Variants in FAM83B observed in about 807,000 individuals in gnomAD.
The protein encoded by FAM83B is protein FAM83B.
In FAM83B, 26 loss-of-function variants were observed where a neutral mutation model predicts 38.8. The ratio of observed to expected loss-of-function variants is 0.67; its 90% CI spans 0.49 to 0.93. The LOEUF is 0.93. FAM83B is among the 40% of genes least tolerant of loss of function. The pLI is 0.00. For missense variants in FAM83B, 1,237 were observed against 1,197.3 expected (o/e 1.03, Z -0.49); for synonymous variants, 419 against 423.1 (o/e 0.99, Z 0.12).
In FAM83B at chr6:54,921,880, A is replaced by C. The variant is rs1019871001; in HGVS notation, c.445-4491A>C. 5.9e-4 allele frequency among the ~76,000 whole-genome samples: 89 copies of C among 151,948 alleles called. 6 individuals carry two copies. ...ATTATTATTCTTTCCCAGGAATGTA[A>C]CCCATCATTTAAAAAAAAAAGTTAC... On this transcript the variant is annotated intron_variant, in intron 2 of 4. Transcript: ENST00000306858.
chr6:54,930,797 T>C (rs1773403408), intron 4 of FAM83B, among the ~76,000 whole-genome samples: 1 of 152,130 alleles, frequency 6.6e-6, no homozygotes, highest in Non-Finnish European at 1.5e-5. Context: ...TGAGATCTTT[T>C]AGCTTTAAAA....
intron 4 of FAM83B, among the ~76,000 whole-genome samples, chr6:54,934,052 C>T (rs972986190): frequency 9.2e-5 from 14 of 152,048 alleles, no homozygotes; most frequent in African/African-American, 2.9e-4. Context: ...TTCAATTGGT[C>T]GCTAGCATTT....
At position 54,943,792 on chromosome 6, in the gene FAM83B, A is replaced by G. The variant is rs984742346; in HGVS notation, c.*1785A>G. 3.9e-5 allele frequency: 6 copies of G among 152,204 alleles called. No individual in the cohort carries two copies. The highest frequency in any genetic ancestry group is 7.3e-5 in the Non-Finnish European group (5 of 68,046). The allele number at this position is 152,204 out of a possible 1,614,324, so 9.4% of individuals were successfully genotyped here. Reference sequence around the variant, plus strand: ...GGCAGTTCTGAAATGGAAAGCCCTGAAATTTAGTGCAATGTAACTTTAAAA... The same window carrying G: ...GGCAGTTCTGAAATGGAAAGCCCTGGAATTTAGTGCAATGTAACTTTAAAA... On this transcript the variant is annotated 3_prime_UTR_variant, in exon 5 of 5. Transcript: ENST00000306858.
chr6:54,927,383 G>GT (rs147505952), intron 3 of FAM83B, 125 bp from the exon 4 acceptor site: 10,844 of 594,248 alleles, frequency 0.018, 7 homozygotes, highest in East Asian at 0.023. Context: ...ATATTTGGGA[G>GT]TTTTTTTTTT....
rs766278321 is a variant in FAM83B at position 54,870,560 on chromosome 6, A to G, written c.314A>G (p.Asp105Gly). 1.2e-6 allele frequency: 2 copies of G among 1,614,100 alleles called. No individual in the cohort carries two copies. Among genetic ancestry groups the G allele is most frequent in the East Asian group, 2.2e-5 (1 of 44,878 alleles). ...VESDVEAPNL[D>G]LGWPYVMPGL... Reference sequence around the variant, plus strand: ...TCTGATGTGGAAGCTCCAAATCTTGACTTAGGCTGGCCATATGTGATGCCC... The same window carrying G: ...TCTGATGTGGAAGCTCCAAATCTTGGCTTAGGCTGGCCATATGTGATGCCC... The change falls in exon 2 of 5, where the codon GAC (aspartate) becomes GGC (glycine). Residue 105 changes from aspartate (D) to glycine (G), a missense_variant. Physicochemically the swap from Asp to Gly is moderately conservative, Grantham distance 94. Transcript: ENST00000306858.
At chr6:54,931,093 A>G (rs774069580) in intron 4 of FAM83B, among the ~76,000 whole-genome samples, 6 of 152,106 alleles carry the variant, frequency 3.9e-5, no homozygotes, top group African/African-American at 9.7e-5. Flanking sequence ...TAATTTCCAC[A>G]TATCTGTGAA....
At chr6:54,875,738 GGT>G (rs1458970603) in intron 2 of FAM83B, among the ~76,000 whole-genome samples, 1 of 116,578 alleles carries the variant, frequency 8.6e-6, no homozygotes, top group Admixed American at 8.2e-5. Flanking sequence ...GAAGAGGGAA[GGT>G]GGAAGAAAGG....
chr6:54,869,726 A>T (rs1476028328), intron 1 of FAM83B, among the ~76,000 whole-genome samples: 3 of 152,138 alleles, frequency 2.0e-5, no homozygotes, highest in African/African-American at 7.2e-5. Flanking sequence ...TATAGGCATT[A>T]CTCATTTTGG....
chr6:54,915,001 A>G (rs1581919011), intron 2 of FAM83B, among the ~76,000 whole-genome samples: 1 of 152,118 alleles, frequency 6.6e-6, no homozygotes, highest in African/African-American at 2.4e-5. Context: ...TGCTTATACC[A>G]TATCATTGTG....
intron 2 of FAM83B, 38 bp downstream of exon 2, chr6:54,870,728 CAT>C (rs762207531): frequency 1.3e-5 from 20 of 1,524,718 alleles, no homozygotes; most frequent in African/African-American, 7.0e-5. Flanking sequence ...AAATTTGAAA[CAT>C]GTAGAAAAGT....
rs193264157 is a variant in FAM83B, at chr6:54,862,872, C to G, written c.-60-7315C>G. On this transcript the variant is annotated intron_variant, in intron 1 of 4. Coordinates refer to ENST00000306858, the MANE Select transcript of FAM83B (RefSeq NM_001010872.3). Reference sequence around the variant, plus strand: ...GCACTCCAGGCTGGGTGCAAAAACCCCCCCCCAAAAAAACCACGAAAAAAA... The same window carrying G: ...GCACTCCAGGCTGGGTGCAAAAACCGCCCCCCAAAAAAACCACGAAAAAAA... 2.8e-4 allele frequency among the ~76,000 whole-genome samples: 43 copies of G among 151,654 alleles called. No individual in the cohort carries two copies. The East Asian group carries it at 5.6e-3, about 20-fold the overall frequency.
intron 2 of FAM83B, among the ~76,000 whole-genome samples, chr6:54,875,529 C>T (rs2127576557): frequency 6.6e-6 from 1 of 152,212 alleles, no homozygotes; most frequent in Non-Finnish European, 1.5e-5. Context: ...ACATTACTAT[C>T]CTGGGACATT....
At chr6:54,888,445 A>G (rs890764381) in intron 2 of FAM83B, among the ~76,000 whole-genome samples, 4 of 151,906 alleles carry the variant, frequency 2.6e-5, no homozygotes, top group Admixed American at 6.6e-5. Flanking sequence ...GTTGGCAATG[A>G]ATCCTCTTGG....
intron 2 of FAM83B, among the ~76,000 whole-genome samples, chr6:54,885,320 T>G (rs1772248988): frequency 6.6e-6 from 1 of 152,182 alleles, no homozygotes; most frequent in Admixed American, 6.5e-5. Flanking sequence ...TTTTGTTGTT[T>G]TCTGTGTATA....
At chr6:54,870,908 T>G (rs766656012) in intron 2 of FAM83B, among the ~76,000 whole-genome samples, 5 of 152,128 alleles carry the variant, frequency 3.3e-5, no homozygotes, top group Non-Finnish European at 7.3e-5. Context: ...AGAAAAGAGA[T>G]TTCCTTTTCT....
chr6:54,931,948 T>A (rs1773428199), intron 4 of FAM83B, among the ~76,000 whole-genome samples: 1 of 151,940 alleles, frequency 6.6e-6, no homozygotes, highest in Non-Finnish European at 1.5e-5. Context: ...TCATCTCATT[T>A]CCTTTTGTGT....
At position 54,940,323 on chromosome 6, in the gene FAM83B, G is replaced by A; in HGVS notation, c.1352G>A (p.Arg451Lys). The A allele has an allele frequency of 6.2e-7, 1 of 1,614,032 alleles. No individual in the cohort carries two copies. The highest frequency in any genetic ancestry group is 8.5e-7 in the Non-Finnish European group (1 of 1,179,992). Residue 451 changes from arginine to lysine, a missense_variant, in exon 5 of 5, where the codon AGA (arginine) becomes AAA (lysine). Physicochemically the swap from Arg to Lys is conservative, Grantham distance 26. Transcript: ENST00000306858. ...AGTTTTGCCAATCGGCTTGCGCAGAGAAAAACAACAAATCTTGCAGACAGG... is the reference window on the plus strand; with the variant it reads ...AGTTTTGCCAATCGGCTTGCGCAGAAAAAAACAACAAATCTTGCAGACAGG... ...AQSFANRLAQRKTTNLADRNS... is the reference protein window; with the variant it reads ...AQSFANRLAQKKTTNLADRNS...
chr6:54,877,892 T>C (rs1307227483), intron 2 of FAM83B, among the ~76,000 whole-genome samples: 1 of 152,166 alleles, frequency 6.6e-6, no homozygotes, highest in Non-Finnish European at 1.5e-5. Context: ...GGGTCTAAGA[T>C]TGAGATCAGT....
At chr6:54,882,805 C>T (rs970134474) in intron 2 of FAM83B, among the ~76,000 whole-genome samples, 1 of 152,180 alleles carries the variant, frequency 6.6e-6, no homozygotes, top group African/African-American at 2.4e-5. Context: ...CTACTTGGAG[C>T]ATTCTTTCCC....
Sources: gnomAD v4.1 joint callset for allele counts (sites outside exome capture counted in the v4.1 genomes callset) on GRCh38, gnomAD v4.1.1 for gene constraint, MANE v1.5 for transcripts, NCBI Gene and HGNC (gene_info 2026-07-23, HGNC 2026-07-21) for gene names.